ERG: variants seen among roughly 807,000 people sequenced by gnomAD.
ERG encodes the protein ETS transcription factor ERG.
Under a neutral mutation model 55.3 loss-of-function variants are expected in ERG, and 9 were observed. The ratio of observed to expected loss-of-function variants is 0.16; its 90% CI spans 0.10 to 0.28. ERG has a LOEUF of 0.28. ERG is among the 10% of genes least tolerant of loss of function. The probability of loss-of-function intolerance (pLI) is 1.00; values close to 1 mark genes in which losing one functional copy is unlikely to be tolerated. For missense variants in ERG, 434 were observed against 631.6 expected (o/e 0.69, Z 3.35); for synonymous variants, 223 against 237.3 (o/e 0.94, Z 0.55).
At chr21:38,581,289 A>T (rs1171112935) in intron 1 of ERG, among the ~76,000 whole-genome samples, 1 of 152,236 alleles carries the variant, frequency 6.6e-6, no homozygotes, top group African/African-American at 2.4e-5. Flanking sequence ...CAGATCTGCC[A>T]CTTACTCCTT....
intron 2 of ERG, among the ~76,000 whole-genome samples, chr21:38,555,200 G>A (rs541327772): frequency 6.6e-5 from 10 of 151,986 alleles, no homozygotes; most frequent in Admixed American, 1.3e-4. Flanking sequence ...GGTGGCACAC[G>A]CCTGTAATCC....
At chr21:38,634,995 C>A (rs181320853) in intron 1 of ERG, among the ~76,000 whole-genome samples, 1 of 152,030 alleles carries the variant, frequency 6.6e-6, no homozygotes, top group Admixed American at 6.6e-5. Flanking sequence ...CGCCAAACCA[C>A]GAAAAAACAC....
At chr21:38,395,045 G>A (rs146296667) in intron 6 of ERG, among the ~76,000 whole-genome samples, 22 of 152,202 alleles carry the variant, frequency 1.4e-4, no homozygotes, top group Admixed American at 5.9e-4. Flanking sequence ...AAAATAAGTC[G>A]AAACTTAACA....
At chr21:38,406,517 A>G (rs1988780335) in intron 3 of ERG, among the ~76,000 whole-genome samples, 1 of 152,164 alleles carries the variant, frequency 6.6e-6, no homozygotes, top group African/African-American at 2.4e-5. Context: ...GGTTCTGTGC[A>G]GAGGATAGTT....
At chr21:38,648,551 A>T (rs2060470512) in intron 1 of ERG, among the ~76,000 whole-genome samples, 1 of 152,218 alleles carries the variant, frequency 6.6e-6, no homozygotes, top group Non-Finnish European at 1.5e-5. Flanking sequence ...AAAATCAGGA[A>T]GTCTGTGGAA....
At chr21:38,484,042 C>T (rs2059261549) in intron 1 of ERG, among the ~76,000 whole-genome samples, 1 of 152,112 alleles carries the variant, frequency 6.6e-6, no homozygotes, top group Admixed American at 6.6e-5. Flanking sequence ...ATCAGCATGA[C>T]TGAAAGGTTA....
Position 38,383,210 on chromosome 21 carries a change from C to A in ERG, c.*193G>T. Reference sequence around the variant, plus strand: ...TCCATATTCGTGACATTTTTAGCATCCTCCTCATTTCTGTAGTAAGACTTC... The same window carrying A: ...TCCATATTCGTGACATTTTTAGCATACTCCTCATTTCTGTAGTAAGACTTC... On this transcript the variant is annotated 3_prime_UTR_variant, in exon 10 of 10. Transcript: ENST00000288319. The surrounding 1 kb of genome is among the most constrained non-coding windows in gnomAD (Gnocchi z 5.7). 7.8e-7 allele frequency: 1 copy of A among 1,288,980 alleles called. No individual in the cohort carries two copies. Among genetic ancestry groups the A allele is most frequent in the Non-Finnish European group, 9.8e-7 (1 of 1,020,452 alleles). The allele number at this position is 1,288,980 out of a possible 1,614,324, so 79.8% of individuals were successfully genotyped here. A position where few individuals can be genotyped will look rare whatever the true frequency, so the allele number is the denominator to read the frequency against.
intron 2 of ERG, among the ~76,000 whole-genome samples, chr21:38,530,958 G>T (rs889397191): frequency 2.0e-5 from 3 of 152,200 alleles, no homozygotes; most frequent in Admixed American, 1.3e-4. Context: ...ACTACAGTCA[G>T]GCCAAACCTT....
intron 1 of ERG, among the ~76,000 whole-genome samples, chr21:38,622,649 C>T (rs370060489): frequency 1.1e-3 from 156 of 148,106 alleles, no homozygotes; most frequent in African/African-American, 2.6e-3. Flanking sequence ...ACACATCACA[C>T]GTCACATACA....
chr21:38,659,564 TATGTATGTCACCCAGGGAAGAATAAA>T (rs1178935748), intron 1 of ERG, among the ~76,000 whole-genome samples: 1 of 152,278 alleles, frequency 6.6e-6, no homozygotes, highest in Non-Finnish European at 1.5e-5. Context: ...CTCTGTGTCC[TATGTATGTCACCCAGGGAAGAATAAA>T]ATGTATTTTT....
At chr21:38,451,901 G>T (rs577738871) in intron 1 of ERG, among the ~76,000 whole-genome samples, 2 of 152,312 alleles carry the variant, frequency 1.3e-5, no homozygotes, top group East Asian at 3.9e-4. Context: ...AGTGAAAGAA[G>T]CTTCACAAAG....
intron 1 of ERG, among the ~76,000 whole-genome samples, chr21:38,642,782 G>A (rs569948932): frequency 6.6e-6 from 1 of 152,294 alleles, no homozygotes; most frequent in South Asian, 2.1e-4. Context: ...AAAGGTATTG[G>A]GTCACTGAAG....
At chr21:38,459,653 T>G (rs2059022812) in intron 1 of ERG, among the ~76,000 whole-genome samples, 1 of 152,180 alleles carries the variant, frequency 6.6e-6, no homozygotes, top group Admixed American at 6.5e-5. Context: ...ATTCAGAGGA[T>G]TTAGAAGTTT....
intron 1 of ERG, among the ~76,000 whole-genome samples, chr21:38,619,647 T>C (rs2060278635): frequency 6.6e-6 from 1 of 152,254 alleles, no homozygotes; most frequent in East Asian, 1.9e-4. Context: ...TGCCTGACAC[T>C]GTTTATAGGG....
At chr21:38,642,081 A>G (rs1285629445) in intron 1 of ERG, among the ~76,000 whole-genome samples, 1 of 152,292 alleles carries the variant, frequency 6.6e-6, no homozygotes, top group East Asian at 1.9e-4. Flanking sequence ...ACGATGGAAT[A>G]CTAGACAGTT....
intron 1 of ERG, among the ~76,000 whole-genome samples, chr21:38,489,734 T>A (rs2059318669): frequency 6.6e-6 from 1 of 152,266 alleles, no homozygotes; most frequent in Non-Finnish European, 1.5e-5. Context: ...CGTCTTTTCC[T>A]TTGTTTCTTT....
chr21:38,584,575 C>T (rs73906341), intron 1 of ERG, among the ~76,000 whole-genome samples: 3,316 of 152,228 alleles, frequency 0.022, 132 homozygotes, highest in African/African-American at 0.077. Context: ...GACTATAGAA[C>T]TGAGAAGGCA....
At chr21:38,485,822 C>T (rs1274136840) in intron 1 of ERG, among the ~76,000 whole-genome samples, 1 of 151,958 alleles carries the variant, frequency 6.6e-6, no homozygotes, top group Non-Finnish European at 1.5e-5. Context: ...CATTCACTAA[C>T]CACTCACTGA....
intron 2 of ERG, among the ~76,000 whole-genome samples, chr21:38,504,635 C>T (rs13047841): frequency 0.011 from 1,695 of 152,242 alleles, 25 homozygotes; most frequent in Admixed American, 0.016. Flanking sequence ...GCCATTGGTG[C>T]CCATAAGGCT....
Sources: gnomAD v4.1 joint callset for allele counts (sites outside exome capture counted in the v4.1 genomes callset) on GRCh38, gnomAD v4.1.1 for gene constraint, Gnocchi (gnomAD v3.1) non-coding constraint, MANE v1.5 for transcripts, NCBI Gene and HGNC (gene_info 2026-07-23, HGNC 2026-07-21) for gene names.